Variants in DMD observed in about 807,000 individuals in gnomAD.
The protein encoded by DMD is dystrophin.
A neutral mutation model predicts 330.1 loss-of-function variants in DMD; 63 were observed. That is an observed-to-expected ratio of 0.19 (90% confidence interval 0.16 to 0.24). The LOEUF (loss-of-function observed/expected upper bound fraction) is 0.24. DMD is among the 10% of genes least tolerant of loss of function. The pLI is 1.00. For missense variants in DMD, 3,344 were observed against 2,684.1 expected (o/e 1.25, Z -5.43); for synonymous variants, 1,223 against 959.8 (o/e 1.27, Z -5.07).
chrX:32,933,353 G>T (rs2089748019), intron 2 of DMD, among the ~76,000 whole-genome samples: 1 of 111,249 alleles, frequency 9.0e-6, no homozygotes, highest in Non-Finnish European at 1.9e-5. Flanking sequence ...GTCGGGGTAG[G>T]TGATTAGATG....
rs191780338 is a variant in DMD, at chrX:32,424,165, G to T, written c.4072-12252C>A. On this transcript the variant is annotated intron_variant, in intron 29 of 78. Coordinates refer to ENST00000357033, the MANE Select transcript of DMD (RefSeq NM_004006.3). ...CTCAGCTGAAAATTGCAGTCACCTT[G>T]AACACAGAGGTCTGCCATAATAGTC... 1.1e-3 allele frequency among the ~76,000 whole-genome samples: 117 copies of T among 110,047 alleles called. 1 individual carries two copies. The highest frequency in any genetic ancestry group is 3.6e-3 in the African/African-American group (108 of 30,333).
chrX:31,877,667 T>TGTGTG (rs2093988241), intron 47 of DMD, among the ~76,000 whole-genome samples: 9 of 102,337 alleles, frequency 8.8e-5, no homozygotes, highest in African/African-American at 2.9e-4. Context: ...TGCTGAACTC[T>TGTGTG]TGTGTGTGTG....
chrX:31,412,186 CAAA>C (rs764012481), intron 60 of DMD, among the ~76,000 whole-genome samples: 14 of 43,786 alleles, frequency 3.2e-4, no homozygotes, highest in African/African-American at 9.1e-4. Flanking sequence ...ACTCTTGTCT[CAAA>C]AAAAAAAAAA....
chrX:32,966,977 A>G (rs2092182751), intron 2 of DMD, among the ~76,000 whole-genome samples: 1 of 112,059 alleles, frequency 8.9e-6, no homozygotes, highest in South Asian at 3.7e-4. Flanking sequence ...CCATGATTAC[A>G]CAGGTTCATA....
chrX:31,510,331 A>C (rs755231810), intron 55 of DMD, among the ~76,000 whole-genome samples: 6 of 110,980 alleles, frequency 5.4e-5, no homozygotes, highest in African/African-American at 1.6e-4. Context: ...CACTTGCCAG[A>C]AGCATTGGAT....
chrX:32,517,726 C>A (rs2045992053), intron 18 of DMD: 3 of 405,203 alleles, frequency 7.4e-6, no homozygotes, highest in Admixed American at 8.7e-5. Flanking sequence ...AAGGAATCAA[C>A]ATGAATTAAT....
intron 44 of DMD, among the ~76,000 whole-genome samples, chrX:32,066,839 C>T (rs766360219): frequency 2.7e-5 from 3 of 111,193 alleles, no homozygotes; most frequent in Middle Eastern, 4.6e-3. Flanking sequence ...TAGTTACCAA[C>T]GATGGATGGA....
At chrX:32,148,287 T>C (rs1262457220) in intron 44 of DMD, among the ~76,000 whole-genome samples, 1 of 111,871 alleles carries the variant, frequency 8.9e-6, no homozygotes, top group Non-Finnish European at 1.9e-5. Context: ...TACTTAGACC[T>C]GTCATTTTAG....
At chrX:33,044,755 G>T (rs1304614889) in intron 1 of DMD, among the ~76,000 whole-genome samples, 1 of 111,932 alleles carries the variant, frequency 8.9e-6, no homozygotes, top group Non-Finnish European at 1.9e-5. Context: ...GCCGTATTCA[G>T]AGATAAATTT....
intron 34 of DMD, among the ~76,000 whole-genome samples, chrX:32,365,590 T>A (rs1259003014): frequency 9.0e-6 from 1 of 111,528 alleles, no homozygotes; most frequent in African/African-American, 3.3e-5. Flanking sequence ...AGCAGGGATT[T>A]TTTTAGCCTT....
intron 41 of DMD, among the ~76,000 whole-genome samples, chrX:32,335,117 C>T (rs1457163583): frequency 9.0e-6 from 1 of 110,848 alleles, no homozygotes; most frequent in Non-Finnish European, 1.9e-5. Flanking sequence ...ATGTATAATA[C>T]TATTCAGATT....
intron 29 of DMD, among the ~76,000 whole-genome samples, chrX:32,424,583 T>G (rs1196038411): frequency 9.0e-6 from 1 of 111,522 alleles, no homozygotes; most frequent in East Asian, 2.8e-4. Flanking sequence ...AGTTATGCAG[T>G]AACTCATGCT....
intron 2 of DMD, among the ~76,000 whole-genome samples, chrX:32,898,494 T>A (rs1410641387): frequency 8.9e-6 from 1 of 112,314 alleles, no homozygotes; most frequent in Non-Finnish European, 1.9e-5. Context: ...TAGGGACAAC[T>A]CATAGGCAGT....
At chrX:31,192,661 T>G (rs1298512720) in intron 67 of DMD, among the ~76,000 whole-genome samples, 1 of 112,031 alleles carries the variant, frequency 8.9e-6, no homozygotes, top group African/African-American at 3.2e-5. Context: ...AAGTAACTTT[T>G]GAGATAACCT....
At chrX:31,531,998 T>G (rs1256968150) in intron 55 of DMD, among the ~76,000 whole-genome samples, 14 of 83,849 alleles carry the variant, frequency 1.7e-4, no homozygotes, top group South Asian at 6.7e-4. Flanking sequence ...AAAGACCAAA[T>G]CTACGTCTGA....
intron 62 of DMD, among the ~76,000 whole-genome samples, chrX:31,286,215 C>G (rs901721714): frequency 8.9e-6 from 1 of 112,165 alleles, no homozygotes; most frequent in Admixed American, 9.5e-5. Context: ...GTCAGATGCA[C>G]TTGGTTTTTC....
In DMD at chrX:32,954,968, G is replaced by A. The variant is rs752775315; in HGVS notation, c.93+65171C>T. On this transcript the variant is annotated intron_variant, in intron 2 of 78. Coordinates refer to ENST00000357033, the MANE Select transcript of DMD (RefSeq NM_004006.3). ...TGGTGGGCATTTAGGTTGATTCCAC[G>A]TCTTTGCTATTGTGAATAGTGCTGC... 7.4e-4 allele frequency among the ~76,000 whole-genome samples: 83 copies of A among 111,846 alleles called. 1 individual carries two copies. The highest frequency in any genetic ancestry group is 2.6e-3 in the African/African-American group (79 of 30,812).
At position 31,475,847 on chromosome X, in the gene DMD, T is replaced by C. The variant is rs907518989; in HGVS notation, c.8937+2259A>G. On this transcript the variant is annotated intron_variant, in intron 59 of 78. Transcript: ENST00000357033. ...AGCTATGCAATTCAACATTAGACCA[T>C]AGGCTTCATGAAGGCAATGATCAAG... Among the ~76,000 whole-genome samples the C allele has an allele frequency of 5.4e-5, 6 of 111,484 alleles. No homozygotes were observed. In the East Asian group the frequency reaches 8.5e-4, roughly 16 times the overall value.
intron 7 of DMD, among the ~76,000 whole-genome samples, chrX:32,774,147 G>A (rs1216211765): frequency 8.9e-6 from 1 of 111,790 alleles, no homozygotes; most frequent in Non-Finnish European, 1.9e-5. Context: ...CCTGCTAAAG[G>A]GCAAGGGTTC....
Sources: gnomAD v4.1 joint callset for allele counts (sites outside exome capture counted in the v4.1 genomes callset) on GRCh38, gnomAD v4.1.1 for gene constraint, MANE v1.5 for transcripts, NCBI Gene and HGNC (gene_info 2026-07-23, HGNC 2026-07-21) for gene names.